The following PLCG2 variants were observed in gnomAD, a reference collection of about 807,000 sequenced individuals.
PLCG2 encodes phospholipase C gamma 2, also known as 1-phosphatidylinositol 4,5-bisphosphate phosphodiesterase gamma-2.
Under a neutral mutation model 175.6 loss-of-function variants are expected in PLCG2, and 69 were observed. The ratio of observed to expected loss-of-function variants is 0.39; its 90% CI spans 0.32 to 0.48. The LOEUF is 0.48. Among genes scored for constraint, PLCG2 ranks in the 20% least tolerant of loss-of-function variants. PLCG2 has a pLI of 0.91. For synonymous variants in PLCG2, 827 were observed against 624.0 expected, an observed-to-expected ratio of 1.33 and a Z score of -4.85; for missense variants, 1,798 against 1,650.9, an observed-to-expected ratio of 1.09 and a Z score of -1.54.
chr16:81,940,555 G>C (rs1184950652), intron 30 of PLCG2, among the ~76,000 whole-genome samples: 1 of 152,124 alleles, frequency 6.6e-6, no homozygotes, highest in Non-Finnish European at 1.5e-5. Flanking sequence ...ACTTCTTTGA[G>C]TTGTTACAGT....
At chr16:81,854,192 A>G (rs1033185147) in intron 2 of PLCG2, among the ~76,000 whole-genome samples, 2 of 152,200 alleles carry the variant, frequency 1.3e-5, no homozygotes, top group African/African-American at 4.8e-5. Flanking sequence ...TGTCTGAGAA[A>G]CAGGGTGAGC....
At chr16:81,872,217 A>C (rs548049635) in intron 7 of PLCG2, among the ~76,000 whole-genome samples, 1 of 152,146 alleles carries the variant, frequency 6.6e-6, no homozygotes, top group African/African-American at 2.4e-5. Context: ...AATCCCAGCT[A>C]CTTGGGAGGG....
intron 2 of PLCG2, among the ~76,000 whole-genome samples, chr16:81,805,986 AAAG>A (rs1912004428): frequency 6.6e-6 from 1 of 151,800 alleles, no homozygotes; most frequent in South Asian, 2.1e-4. Context: ...ATAAAGGTAA[AAAG>A]AGGTGAAACT....
In PLCG2 at chr16:81,959,947, T is replaced by A; in HGVS notation, c.*1949T>A. On this transcript the variant is annotated 3_prime_UTR_variant, in exon 33 of 33. Transcript: ENST00000564138. The stretch of plus-strand genomic sequence containing the variant: ...GCATCCCCTTTCTGCCCAAATGGGT[T>A]TTTTGCTACCATATCAAAGAACCTG... 4.9e-6 allele frequency: 1 copy of A among 202,214 alleles called. No homozygotes were observed. Among genetic ancestry groups the A allele is most frequent in the Non-Finnish European group, 1.0e-5 (1 of 98,382 alleles). The allele number at this position is 202,214 out of a possible 1,614,324, so 12.5% of individuals were successfully genotyped here.
At chr16:81,805,969 C>A (rs1302986247) in intron 2 of PLCG2, among the ~76,000 whole-genome samples, 1 of 151,438 alleles carries the variant, frequency 6.6e-6, no homozygotes, top group African/African-American at 2.4e-5. Context: ...TTCTAGTTGC[C>A]ACATTCATAA....
At chr16:81,768,375 T>C (rs1462082381) in intron 2 of PLCG2, among the ~76,000 whole-genome samples, 1 of 152,196 alleles carries the variant, frequency 6.6e-6, no homozygotes, top group East Asian at 1.9e-4. Context: ...TTAGTGTTTT[T>C]CTGTGGACAT....
Position 81,746,749 on chromosome 16 carries a change from C to T in PLCG2, c.-145+7364C>T, listed in dbSNP as rs138875776. Among the ~76,000 whole-genome samples the T allele has an allele frequency of 5.4e-3, 815 of 152,284 alleles. 2 individuals carry two copies. Among genetic ancestry groups the T allele is most frequent in the Middle Eastern group, 0.01 (3 of 294 alleles). ...GTGGGCATATTAATAATTCCCACTTCTCAGGCTTGATAACGTCAATCAGGT... is the reference window on the plus strand; with the variant it reads ...GTGGGCATATTAATAATTCCCACTTTTCAGGCTTGATAACGTCAATCAGGT... On this transcript the variant is annotated intron_variant, in intron 1 of 5. Transcript: ENST00000565054.
At chr16:81,937,595 G>C in intron 27 of PLCG2, 163 bp from the exon 28 acceptor site, 1 of 520,152 alleles carries the variant, frequency 1.9e-6, no homozygotes, top group Non-Finnish European at 3.3e-6. Flanking sequence ...GGAGTTTGCT[G>C]TCTAGAAACC....
At chr16:81,794,687 T>A (rs1248394765) in intron 2 of PLCG2, among the ~76,000 whole-genome samples, 2 of 152,214 alleles carry the variant, frequency 1.3e-5, no homozygotes, top group Non-Finnish European at 2.9e-5. Context: ...ATATGTAAAA[T>A]CCTTCAATAG....
At position 81,860,255 on chromosome 16, in the gene PLCG2, G is replaced by A. The variant is rs889067288; in HGVS notation, c.479+1092G>A. Among the ~76,000 whole-genome samples, 5 of 144,172 alleles carry A rather than the reference G, an allele frequency of 3.5e-5. No individual in the cohort carries two copies. The East Asian group carries it at 1.0e-3, about 29-fold the overall frequency. 94.6% of individuals were successfully genotyped at this position (144,172 alleles called of 152,430 possible). On this transcript the variant is annotated intron_variant, in intron 5 of 32. Coordinates refer to ENST00000564138, the MANE Select transcript of PLCG2 (RefSeq NM_002661.5). ...CAAACGCAGTTTTGGTTTTTCTTTA[G>A]ATTAATGCATTGTCATTTCGGAAAT... is the stretch of plus-strand genomic sequence containing the variant.
At chr16:81,811,142 G>T (rs753106262) in intron 2 of PLCG2, among the ~76,000 whole-genome samples, 3 of 152,200 alleles carry the variant, frequency 2.0e-5, no homozygotes, top group African/African-American at 4.8e-5. Flanking sequence ...TATGACAGCA[G>T]TGTTGGGGTT....
At chr16:81,841,874 T>C (rs1905851345) in intron 2 of PLCG2, among the ~76,000 whole-genome samples, 1 of 152,216 alleles carries the variant, frequency 6.6e-6, no homozygotes. Context: ...GGTCCTTGGC[T>C]GAGATCAGTA....
chr16:81,823,401 C>T (rs1904892620), intron 2 of PLCG2, among the ~76,000 whole-genome samples: 2 of 152,178 alleles, frequency 1.3e-5, no homozygotes, highest in Admixed American at 1.3e-4. Flanking sequence ...TGCTCCCCAC[C>T]CCTCGCCCCA....
At chr16:81,825,907 G>C (rs7200218) in intron 2 of PLCG2, among the ~76,000 whole-genome samples, 101,917 of 152,078 alleles carry the variant, frequency 0.67, 34,550 homozygotes, top group East Asian at 0.91. Flanking sequence ...GTGTTAGGTG[G>C]ATCGTAGAGA....
At chr16:81,779,749 CTT>C (rs1410939448) in intron 1 of PLCG2, among the ~76,000 whole-genome samples, 1 of 152,002 alleles carries the variant, frequency 6.6e-6, no homozygotes, top group Non-Finnish European at 1.5e-5. Flanking sequence ...CAAAACTCCT[CTT>C]TTCGAGCGGC....
At chr16:81,867,723 A>C (rs1907312517) in intron 5 of PLCG2, among the ~76,000 whole-genome samples, 3 of 150,172 alleles carry the variant, frequency 2.0e-5, no homozygotes, top group Admixed American at 2.0e-4. Flanking sequence ...TTGGAGATGG[A>C]GTCTTGCTCT....
intron 2 of PLCG2, among the ~76,000 whole-genome samples, chr16:81,768,385 T>C (rs182927796): frequency 1.2e-3 from 183 of 152,308 alleles, no homozygotes; most frequent in Admixed American, 3.8e-3. Flanking sequence ...TCTGTGGACA[T>C]ATGTTTTCAT....
intron 7 of PLCG2, among the ~76,000 whole-genome samples, chr16:81,874,885 C>A (rs1227127758): frequency 6.8e-6 from 1 of 146,150 alleles, no homozygotes; most frequent in Non-Finnish European, 1.5e-5. Flanking sequence ...ATAACAGTAT[C>A]ATTAACAAAG....
At chr16:81,921,159 C>A in intron 20 of PLCG2, 39 bp from the exon 21 acceptor site, 1 of 1,247,936 alleles carries the variant, frequency 8.0e-7, no homozygotes, top group Non-Finnish European at 1.2e-6. Flanking sequence ...ATTCCAGGAG[C>A]ATGGATTATT....
Sources: allele counts gnomAD v4.1 joint callset (sites outside exome capture counted in the v4.1 genomes callset), GRCh38; gene constraint gnomAD v4.1.1; transcripts MANE v1.5; gene names NCBI Gene and HGNC (gene_info 2026-07-23, HGNC 2026-07-21).